The following PDGFD variants were observed in gnomAD, a reference collection of about 807,000 sequenced individuals.
PDGFD encodes the protein platelet derived growth factor D, also known as platelet-derived growth factor D.
PDGFD carries 30 observed loss-of-function variants against 44.7 expected under a neutral mutation model. The observed-to-expected ratio is 0.67, with a 90% confidence interval of 0.50 to 0.91. The LOEUF is 0.91. Ranked by LOEUF, PDGFD falls within the 40% of genes least tolerant of loss-of-function variation. PDGFD has a pLI of 0.00. For synonymous variants in PDGFD, 173 were observed against 168.4 expected (o/e 1.03, Z -0.21); for missense variants, 445 against 457.8 (o/e 0.97, Z 0.25).
intron 1 of PDGFD, among the ~76,000 whole-genome samples, chr11:104,161,684 C>T (rs748914452): frequency 6.6e-6 from 1 of 152,178 alleles, no homozygotes; most frequent in Non-Finnish European, 1.5e-5. Flanking sequence ...CAGACCGTTG[C>T]AATATCTAAG....
intron 1 of PDGFD, among the ~76,000 whole-genome samples, chr11:104,159,120 G>A (rs896446252): frequency 7.7e-4 from 106 of 137,944 alleles, no homozygotes; most frequent in African/African-American, 2.8e-3. Flanking sequence ...GCCACTGCAC[G>A]CTAGCCTGGG....
chr11:103,963,364 C>A (rs1401392099), intron 3 of PDGFD, among the ~76,000 whole-genome samples: 1 of 152,108 alleles, frequency 6.6e-6, no homozygotes, highest in Non-Finnish European at 1.5e-5. Flanking sequence ...TAGTTTGGGT[C>A]TTCTCAAAGA....
intron 1 of PDGFD, among the ~76,000 whole-genome samples, chr11:104,128,298 G>A (rs1861868297): frequency 6.6e-6 from 1 of 152,140 alleles, no homozygotes; most frequent in Non-Finnish European, 1.5e-5. Context: ...AAAAGCTGGT[G>A]TGCATAAAAA....
chr11:104,008,275 G>A (rs1159011961), intron 1 of PDGFD, among the ~76,000 whole-genome samples: 1 of 151,824 alleles, frequency 6.6e-6, no homozygotes, highest in African/African-American at 2.4e-5. Context: ...TGGACTATGG[G>A]TAATAGATAA....
At chr11:104,069,340 C>T (rs974411912) in intron 1 of PDGFD, among the ~76,000 whole-genome samples, 13 of 152,142 alleles carry the variant, frequency 8.5e-5, no homozygotes, top group African/African-American at 3.1e-4. Flanking sequence ...TTTCAGCAGT[C>T]ACATATTGTC....
At chr11:104,100,586 C>T (rs1330897212) in intron 1 of PDGFD, among the ~76,000 whole-genome samples, 1 of 152,136 alleles carries the variant, frequency 6.6e-6, no homozygotes, top group Non-Finnish European at 1.5e-5. Flanking sequence ...GGAATCCTCC[C>T]TAACTCATTA....
At chr11:104,113,677 C>T (rs940395560) in intron 1 of PDGFD, among the ~76,000 whole-genome samples, 38 of 151,584 alleles carry the variant, frequency 2.5e-4, no homozygotes, top group African/African-American at 9.2e-4. Context: ...TAAGAGTATG[C>T]TTAGTCTTAT....
At chr11:103,912,552 T>C (rs1858045466) in intron 6 of PDGFD, among the ~76,000 whole-genome samples, 1 of 152,288 alleles carries the variant, frequency 6.6e-6, no homozygotes, top group Admixed American at 6.5e-5. Context: ...CCATTGATGC[T>C]ATGAAGAAAG....
In PDGFD at chr11:103,996,157, T is replaced by C. The variant is rs1859531530; in HGVS notation, c.418A>G (p.Ile140Val). The C allele has an allele frequency of 1.9e-6, 3 of 1,613,764 alleles. No individual in the cohort carries two copies. The highest frequency in any genetic ancestry group is 2.5e-6 in the Non-Finnish European group (3 of 1,179,762). ...WCGHKEVPPR[I>V]KSRTNQIKIT... ...TTAATTTGGTTCGTTCTTGATTTTATCCTTGGAGGAACTTCCTTGTGTCCA... is the reference window on the plus strand; with the variant it reads ...TTAATTTGGTTCGTTCTTGATTTTACCCTTGGAGGAACTTCCTTGTGTCCA... The change falls in exon 3 of 7, where the codon ATA becomes GTA. Residue 140 changes from isoleucine (I) to valine (V), a missense_variant. Transcript: ENST00000393158.
At chr11:104,040,308 GAATA>G (rs1349070385) in intron 1 of PDGFD, among the ~76,000 whole-genome samples, 1 of 151,942 alleles carries the variant, frequency 6.6e-6, no homozygotes, top group Non-Finnish European at 1.5e-5. Context: ...GTGAATGAAT[GAATA>G]AATTAAAATC....
chr11:104,138,134 A>G lies in PDGFD; in HGVS notation c.124+25670T>C, dbSNP rs570728929. 3.4e-4 allele frequency among the ~76,000 whole-genome samples: 52 copies of G among 152,320 alleles called. 1 individual carries two copies. In the South Asian group the frequency reaches 0.01, roughly 30 times the overall value. The stretch of plus-strand genomic sequence containing the variant: ...TTATAAACAAATGATGTAAATCCAT[A>G]AGTTGTGATAGCTAATGTGCTGTAA... On this transcript the variant is annotated intron_variant, in intron 1 of 6. Coordinates refer to ENST00000393158, the MANE Select transcript of PDGFD (RefSeq NM_025208.5).
At chr11:104,130,023 C>T (rs957014302) in intron 1 of PDGFD, among the ~76,000 whole-genome samples, 13 of 140,822 alleles carry the variant, frequency 9.2e-5, no homozygotes, top group Non-Finnish European at 2.0e-4. Context: ...AAGGAGCTAA[C>T]AAGAAAGAAA....
intron 4 of PDGFD, among the ~76,000 whole-genome samples, chr11:103,944,618 C>A (rs1565291268): frequency 1.3e-5 from 2 of 152,184 alleles, no homozygotes; most frequent in African/African-American, 4.8e-5. Flanking sequence ...TTAATGAAAA[C>A]TTGCTTTCCT....
At chr11:103,978,900 T>C (rs550657628) in intron 3 of PDGFD, among the ~76,000 whole-genome samples, 21 of 152,144 alleles carry the variant, frequency 1.4e-4, no homozygotes, top group Admixed American at 3.3e-4. Flanking sequence ...GGGGATGGTA[T>C]TGTCAGAGAA....
rs545780530 is a variant in PDGFD, at chr11:104,109,040, G to A, written c.124+54764C>T. 2.9e-4 allele frequency among the ~76,000 whole-genome samples: 43 copies of A among 147,406 alleles called. No homozygotes were observed. The East Asian group carries it at 7.3e-3, about 25-fold the overall frequency. On this transcript the variant is annotated intron_variant, in intron 1 of 6. Transcript: ENST00000393158. ...CACAGGAAGGGGGACATCACACATC[G>A]GGGCCTGTTGTGGGGTGGAGGGAGG...
intron 1 of PDGFD, among the ~76,000 whole-genome samples, chr11:104,070,304 T>A (rs182960681): frequency 6.6e-6 from 1 of 152,296 alleles, no homozygotes; most frequent in East Asian, 1.9e-4. Flanking sequence ...TATCTAGCTA[T>A]CTATATTTCA....
intron 1 of PDGFD, among the ~76,000 whole-genome samples, chr11:104,088,038 T>A (rs112997709): frequency 0.013 from 1,938 of 152,350 alleles, 25 homozygotes; most frequent in Non-Finnish European, 0.021. Context: ...CTTGGTGAAG[T>A]CTTCTCTGTC....
At chr11:104,154,297 C>T (rs925066333) in intron 1 of PDGFD, among the ~76,000 whole-genome samples, 33 of 152,104 alleles carry the variant, frequency 2.2e-4, no homozygotes, top group African/African-American at 7.7e-4. Context: ...TCTAATATTG[C>T]TTCTTCAAAT....
chr11:103,987,417 T>C (rs1407438654), intron 3 of PDGFD, among the ~76,000 whole-genome samples: 1 of 152,130 alleles, frequency 6.6e-6, no homozygotes, highest in Admixed American at 6.6e-5. Flanking sequence ...TCCCACCTAA[T>C]TGTGACTGTT....
Sources: allele counts gnomAD v4.1 joint callset (sites outside exome capture counted in the v4.1 genomes callset), GRCh38; gene constraint gnomAD v4.1.1; transcripts MANE v1.5; gene names NCBI Gene and HGNC (gene_info 2026-07-23, HGNC 2026-07-21).